NXPH1: variants seen among roughly 807,000 people sequenced by gnomAD.
NXPH1 encodes the protein neurexophilin-1.
In NXPH1, 5 loss-of-function variants were observed where a neutral mutation model predicts 23.7. The observed-to-expected ratio is 0.21, with a 90% CI of 0.11 to 0.44. NXPH1 has a LOEUF of 0.44. Ranked by LOEUF, NXPH1 falls within the 20% of genes least tolerant of loss-of-function variation. NXPH1 has a pLI of 0.99. For missense variants in NXPH1, 324 were observed against 321.6 expected (o/e 1.01, Z -0.06); for synonymous variants, 144 against 122.2 (o/e 1.18, Z -1.18).
chr7:8,712,047 A>G (rs10486250), intron 2 of NXPH1, among the ~76,000 whole-genome samples: 9,310 of 152,230 alleles, frequency 0.061, 657 homozygotes, highest in East Asian at 0.17. Context: ...TGAAAGCTCA[A>G]GGTTGTTCTT....
At chr7:8,470,238 G>C (rs999758992) in intron 2 of NXPH1, among the ~76,000 whole-genome samples, 9 of 152,090 alleles carry the variant, frequency 5.9e-5, no homozygotes, top group African/African-American at 2.2e-4. Context: ...AGATTATGCA[G>C]AGATCTACAT....
At chr7:8,543,513 G>T (rs990111044) in intron 2 of NXPH1, among the ~76,000 whole-genome samples, 1 of 151,306 alleles carries the variant, frequency 6.6e-6, no homozygotes, top group African/African-American at 2.4e-5. Context: ...GCAGATTTGG[G>T]GCCAAATCCT....
chr7:8,510,363 C>T (rs375038190), intron 2 of NXPH1, among the ~76,000 whole-genome samples: 51 of 152,042 alleles, frequency 3.4e-4, no homozygotes, highest in Non-Finnish European at 5.4e-4. Flanking sequence ...TTCACAACTA[C>T]CTTCTGAGGT....
chr7:8,666,927 A>T (rs1820780574), intron 2 of NXPH1, among the ~76,000 whole-genome samples: 1 of 151,950 alleles, frequency 6.6e-6, no homozygotes, highest in Non-Finnish European at 1.5e-5. Flanking sequence ...ATCTAGCTAA[A>T]GGCTTGTCAA....
intron 2 of NXPH1, among the ~76,000 whole-genome samples, chr7:8,571,701 G>A (rs2128622227): frequency 6.6e-6 from 1 of 152,030 alleles, no homozygotes; most frequent in South Asian, 2.1e-4. Flanking sequence ...AGCTTGTAAA[G>A]TCAAAGATCT....
intron 2 of NXPH1, among the ~76,000 whole-genome samples, chr7:8,725,276 G>T (rs1415566018): frequency 6.6e-6 from 1 of 152,120 alleles, no homozygotes; most frequent in Non-Finnish European, 1.5e-5. Context: ...GATCACTTGA[G>T]GCCAGGAGTT....
At chr7:8,671,177 G>A (rs924641646) in intron 2 of NXPH1, among the ~76,000 whole-genome samples, 3 of 152,044 alleles carry the variant, frequency 2.0e-5, no homozygotes, top group Non-Finnish European at 4.4e-5. Flanking sequence ...TTGTGTGTTC[G>A]TGGTGCTTAA....
intron 2 of NXPH1, among the ~76,000 whole-genome samples, chr7:8,493,505 T>C (rs901479895): frequency 1.3e-5 from 2 of 152,058 alleles, no homozygotes; most frequent in African/African-American, 4.8e-5. Context: ...TTTGTCCTGC[T>C]AGAATGAGAG....
chr7:8,687,157 G>A (rs1480847100), intron 2 of NXPH1, among the ~76,000 whole-genome samples: 1 of 152,114 alleles, frequency 6.6e-6, no homozygotes, highest in African/African-American at 2.4e-5. Context: ...AGTATGTAAT[G>A]CATCAGTGCA....
At chr7:8,621,899 A>G (rs1024598270) in intron 2 of NXPH1, among the ~76,000 whole-genome samples, 1 of 152,164 alleles carries the variant, frequency 6.6e-6, no homozygotes, top group African/African-American at 2.4e-5. Context: ...GGCAGAATGA[A>G]CCAAGGACAG....
At chr7:8,750,687 A>G (rs151186312) in intron 2 of NXPH1, among the ~76,000 whole-genome samples, 1 of 152,302 alleles carries the variant, frequency 6.6e-6, no homozygotes, top group African/African-American at 2.4e-5. Context: ...GTGGTTTTAT[A>G]TAATTTTCAG....
chr7:8,523,326 C>T (rs1817804738), intron 2 of NXPH1, among the ~76,000 whole-genome samples: 1 of 152,196 alleles, frequency 6.6e-6, no homozygotes, highest in African/African-American at 2.4e-5. Context: ...CTTCTGGCAC[C>T]TGTATATTGA....
intron 2 of NXPH1, among the ~76,000 whole-genome samples, chr7:8,548,364 T>C (rs1176556731): frequency 6.6e-6 from 1 of 151,550 alleles, no homozygotes; most frequent in Non-Finnish European, 1.5e-5. Context: ...TTTAAGAAAA[T>C]TTCTATCTGC....
At chr7:8,482,125 T>A (rs1817083643) in intron 2 of NXPH1, among the ~76,000 whole-genome samples, 1 of 152,200 alleles carries the variant, frequency 6.6e-6, no homozygotes, top group Non-Finnish European at 1.5e-5. Flanking sequence ...CTGCTGAACT[T>A]CAGCTTTCTC....
intron 2 of NXPH1, among the ~76,000 whole-genome samples, chr7:8,473,076 T>C (rs1816895488): frequency 6.6e-6 from 1 of 152,166 alleles, no homozygotes; most frequent in Non-Finnish European, 1.5e-5. Flanking sequence ...CAAGAACCAC[T>C]TTTCTGGTTA....
At chr7:8,460,243 A>C (rs2128606682) in intron 2 of NXPH1, among the ~76,000 whole-genome samples, 1 of 152,176 alleles carries the variant, frequency 6.6e-6, no homozygotes, top group Middle Eastern at 3.4e-3. Flanking sequence ...TTTTACCTGA[A>C]ATTTATTATT....
intron 2 of NXPH1, among the ~76,000 whole-genome samples, chr7:8,587,112 A>G (rs1818994569): frequency 6.6e-6 from 1 of 152,192 alleles, no homozygotes; most frequent in South Asian, 2.1e-4. Flanking sequence ...CAGAGAATTC[A>G]AAATGACATT....
chr7:8,466,229 T>C (rs1013915260), intron 2 of NXPH1, among the ~76,000 whole-genome samples: 1 of 152,322 alleles, frequency 6.6e-6, no homozygotes, highest in Non-Finnish European at 1.5e-5. Flanking sequence ...AATGAGCTTT[T>C]GAATTTGCTT....
At chr7:8,461,513 G>A (rs561193802) in intron 2 of NXPH1, among the ~76,000 whole-genome samples, 1 of 152,240 alleles carries the variant, frequency 6.6e-6, no homozygotes, top group Non-Finnish European at 1.5e-5. Context: ...AATCCAAATA[G>A]CTTTGTTGTT....
Sources: gnomAD v4.1 joint callset for allele counts (sites outside exome capture counted in the v4.1 genomes callset) on GRCh38, gnomAD v4.1.1 for gene constraint, MANE v1.5 for transcripts, NCBI Gene and HGNC (gene_info 2026-07-23, HGNC 2026-07-21) for gene names.